CRTC2: variants seen among roughly 807,000 people sequenced by gnomAD.
The protein encoded by CRTC2 is CREB regulated transcription coactivator 2, also known as CREB-regulated transcription coactivator 2.
A neutral mutation model predicts 70.9 loss-of-function variants in CRTC2; 25 were observed. The ratio of observed to expected loss-of-function variants is 0.35; its 90% confidence interval spans 0.26 to 0.49. CRTC2 has a LOEUF of 0.49. Ranked by LOEUF, CRTC2 falls within the 20% of genes least tolerant of loss-of-function variation. CRTC2 has a pLI of 0.98. For missense variants in CRTC2, 737 were observed against 882.6 expected, an observed-to-expected ratio of 0.83 and a Z score of 2.09; for synonymous variants, 330 against 364.1, an observed-to-expected ratio of 0.91 and a Z score of 1.07.
intron 1 of CRTC2, among the ~76,000 whole-genome samples, chr1:153,955,439 C>T (rs1031933660): frequency 2.6e-4 from 40 of 151,456 alleles, no homozygotes; most frequent in Non-Finnish European, 4.4e-4. Context: ...TGGTGGCGGG[C>T]GCCTGTAGTC....
rs1280758111 is a variant in CRTC2, at chr1:153,958,329, C to G, written c.153+16G>C. ...ACTGCTCAGCTCTGCTCCGGCTCCCCGGCGCGGCCCCTCACCCGGGTGGAG... is the reference window on the plus strand; with the variant it reads ...ACTGCTCAGCTCTGCTCCGGCTCCCGGGCGCGGCCCCTCACCCGGGTGGAG... On this transcript the variant is annotated intron_variant, in intron 1 of 13. Coordinates refer to ENST00000368633, the MANE Select transcript of CRTC2 (RefSeq NM_181715.3). 6.2e-7 allele frequency: 1 copy of G among 1,609,574 alleles called. No homozygotes were observed. The highest frequency in any genetic ancestry group is 2.2e-5 in the East Asian group (1 of 44,678).
chr1:153,951,796 G>A, intron 10 of CRTC2, 130 bp from the exon 11 acceptor site: 1 of 1,105,966 alleles, frequency 9.0e-7, no homozygotes, highest in South Asian at 1.6e-5. Context: ...CTCTATCCCT[G>A]ACAGCACTGC....
rs1680333249 is a variant in CRTC2 at position 153,951,734 on chromosome 1, G to C, written c.998-68C>G. 7 of 1,518,894 alleles carry C rather than the reference G, an allele frequency of 4.6e-6. No homozygotes were observed. In the South Asian group the frequency reaches 6.0e-5, roughly 13 times the overall value. The allele number at this position is 1,518,894 out of a possible 1,614,324, so 94.1% of individuals were successfully genotyped here. A position where few individuals can be genotyped will look rare whatever the true frequency, so the allele number is the denominator to read the frequency against. ...TGGGAACTGAGCCCCTTTCCACCCA[G>C]AATGGGTGGCAGTGACCAGACTATG... On this transcript the variant is annotated intron_variant, in intron 10 of 13. Transcript: ENST00000368633.
intron 6 of CRTC2, 63 bp from the exon 7 acceptor site, chr1:153,952,897 A>T: frequency 2.1e-5 from 33 of 1,594,690 alleles, no homozygotes; most frequent in Non-Finnish European, 2.7e-5. Context: ...AAATAGCTCC[A>T]TGGAGGCCGG....
intron 12 of CRTC2, 168 bp from the exon 13 acceptor site, chr1:153,948,812 G>A (rs1473988583): frequency 2.3e-5 from 19 of 819,332 alleles, no homozygotes; most frequent in Non-Finnish European, 2.8e-5. Context: ...CACGGGGCCC[G>A]AAGTAAGTAT....
intron 11 of CRTC2, among the ~76,000 whole-genome samples, chr1:153,950,337 AG>A (rs1458445950): frequency 6.6e-6 from 1 of 152,248 alleles, no homozygotes; most frequent in African/African-American, 2.4e-5. Flanking sequence ...AAAGAAAGAA[AG>A]AAAAGGAGAA....
At chr1:153,950,033 A>G (rs534567178) in intron 11 of CRTC2, among the ~76,000 whole-genome samples, 2 of 152,262 alleles carry the variant, frequency 1.3e-5, no homozygotes, top group African/African-American at 4.8e-5. Context: ...TCCTGGTTCA[A>G]GTGATCCTCC....
In CRTC2 at chr1:153,958,530, A is replaced by T. The variant is rs1404864965; in HGVS notation, c.-33T>A. The T allele has an allele frequency of 1.9e-6, 3 of 1,569,910 alleles. No homozygotes were observed. Among genetic ancestry groups the T allele is most frequent in the Non-Finnish European group, 2.6e-6 (3 of 1,156,582 alleles). ...CCCCGTCCCTCCCTGCCACCCTCCC[A>T]GTACCAGCCGCGGCCTCCGCCGCGG... On this transcript the variant is annotated 5_prime_UTR_variant, in exon 1 of 14. Transcript: ENST00000368633.
rs147826405 is a variant in CRTC2, at chr1:153,954,807, T to C, written c.372+66A>G. On this transcript the variant is annotated intron_variant, in intron 3 of 13. Transcript: ENST00000368633. ...GACGCACAACACTTCAAGTGCTTCCTATGAGTCCCTGAGGAACCCCATCCC... is the reference window on the plus strand; with the variant it reads ...GACGCACAACACTTCAAGTGCTTCCCATGAGTCCCTGAGGAACCCCATCCC... 6.7e-4 allele frequency: 932 copies of C among 1,383,354 alleles called. 3 individuals are homozygous for C. The African/African-American group carries it at 0.012, about 18-fold the overall frequency. 85.7% of individuals were successfully genotyped at this position (1,383,354 alleles called of 1,614,324 possible).
Position 153,951,255 on chromosome 1 carries a change from C to T in CRTC2, c.1404+5G>A. On this transcript the variant is annotated splice_donor_5th_base_variant and intron_variant, in intron 11 of 13. Coordinates refer to ENST00000368633, the MANE Select transcript of CRTC2 (RefSeq NM_181715.3). ...CAGACATGCAGGGAAGGCAGCCACG[C>T]ATACCTGAGTGATGGAAGACAAGGT... is the stretch of plus-strand genomic sequence containing the variant. The T allele has an allele frequency of 6.2e-7, 1 of 1,613,576 alleles. No individual in the cohort carries two copies. Among genetic ancestry groups the T allele is most frequent in the South Asian group, 1.1e-5 (1 of 90,964 alleles).
intron 1 of CRTC2, 102 bp from the exon 2 acceptor site, chr1:153,955,268 C>G: frequency 1.1e-6 from 1 of 886,104 alleles, no homozygotes; most frequent in Non-Finnish European, 1.8e-6. Context: ...GCTGCCGCCA[C>G]TGCTTTTAAA....
Position 153,952,398 on chromosome 1 carries a change from T to A in CRTC2, c.751A>T (p.Asn251Tyr). The A allele has an allele frequency of 6.2e-7, 1 of 1,614,128 alleles. No homozygotes were observed. The highest frequency in any genetic ancestry group is 8.5e-7 in the Non-Finnish European group (1 of 1,179,982). The stretch of plus-strand genomic sequence containing the variant: ...CAGCCAACCTCAGGGAGTACTTACT[T>A]AATTCCAGGGACTTCACAGGACCGA... ...RPRSCEVPGI[N>Y]IFPSPDQPAN... Residue 251 changes from asparagine (N) to tyrosine (Y), a missense_variant and splice_region_variant, in exon 9 of 14, where the codon AAC (asparagine) becomes TAC (tyrosine). Physicochemically the swap from Asn to Tyr is moderately radical, Grantham distance 143. Coordinates refer to ENST00000368633, the MANE Select transcript of CRTC2 (RefSeq NM_181715.3).
chr1:153,949,921 C>T (rs1157934170), intron 11 of CRTC2, among the ~76,000 whole-genome samples: 1 of 151,826 alleles, frequency 6.6e-6, no homozygotes, highest in East Asian at 1.9e-4. Context: ...TTTAAATCTA[C>T]TCCAGAAGTA....
In CRTC2 at chr1:153,958,466, G is replaced by C; in HGVS notation, c.32C>G (p.Ser11Trp). 2 of 1,612,294 alleles carry C rather than the reference G, an allele frequency of 1.2e-6. No homozygotes were observed. The highest frequency in any genetic ancestry group is 1.7e-6 in the Non-Finnish European group (2 of 1,178,982). MATSGANGPGSATASASNPRK... is the reference protein window; with the variant it reads MATSGANGPGWATASASNPRK... ...CGGATTGGAAGCCGAGGCCGTGGCC[G>C]AACCAGGCCCGTTCGCCCCCGACGT... Residue 11 changes from serine to tryptophan, a missense_variant, in exon 1 of 14, where the codon TCG becomes TGG. By Grantham distance (177) the Ser-to-Trp change is radical. Coordinates refer to ENST00000368633, the MANE Select transcript of CRTC2 (RefSeq NM_181715.3).
chr1:153,950,926 T>G (rs1442812162), intron 11 of CRTC2, among the ~76,000 whole-genome samples: 1 of 152,196 alleles, frequency 6.6e-6, no homozygotes, highest in Non-Finnish European at 1.5e-5. Flanking sequence ...TGCTAAGTAT[T>G]TTATGTATGT....
intron 1 of CRTC2, among the ~76,000 whole-genome samples, chr1:153,957,787 A>G (rs1401067141): frequency 3.3e-5 from 5 of 152,144 alleles, no homozygotes; most frequent in Non-Finnish European, 7.4e-5. Context: ...AGGAAACCAC[A>G]AGAAGTATTT....
At chr1:153,953,639 G>T in intron 4 of CRTC2, 33 bp from the exon 5 acceptor site, 2 of 1,503,794 alleles carry the variant, frequency 1.3e-6, no homozygotes, top group South Asian at 1.2e-5. Context: ...TGAGGAGGAA[G>T]GCTGGCAGTG....
rs748278068 is a variant in CRTC2, at chr1:153,948,274, A to C, written c.1917T>G (p.Pro639=). 1 of 1,614,266 alleles carries C rather than the reference A, an allele frequency of 6.2e-7. No homozygotes were observed. Among genetic ancestry groups the C allele is most frequent in the Non-Finnish European group, 8.5e-7 (1 of 1,180,048 alleles). ...ATCCAGCTGCTGACACCTCAAAGCC[A>C]GGCACTCCGGCCAGGGCTGCTGCAA... ...KEIAAALAGV[P]GFEVSAAGLE... Residue 639 remains proline (P), a synonymous_variant, in exon 14 of 14, where the codon CCT becomes CCG. Coordinates refer to ENST00000368633, the MANE Select transcript of CRTC2 (RefSeq NM_181715.3).
At chr1:153,957,990 ACC>A (rs1680722659) in intron 1 of CRTC2, 1 of 1,100,354 alleles carries the variant, frequency 9.1e-7, no homozygotes, top group Admixed American at 4.8e-5. Context: ...CCCAGGCCAT[ACC>A]CCAATACCAG....
Sources: allele counts gnomAD v4.1 joint callset (sites outside exome capture counted in the v4.1 genomes callset), GRCh38; gene constraint gnomAD v4.1.1; transcripts MANE v1.5; gene names NCBI Gene and HGNC (gene_info 2026-07-23, HGNC 2026-07-21).